The following SLC25A28 variants were observed in gnomAD, a reference collection of about 807,000 sequenced individuals.
SLC25A28 encodes the protein mitoferrin-2.
In SLC25A28, 10 loss-of-function variants were observed where a neutral mutation model predicts 31.9. The observed-to-expected ratio is 0.31, with a 90% CI of 0.19 to 0.53. The LOEUF is 0.53. Ranked by LOEUF, SLC25A28 falls within the 20% of genes least tolerant of loss-of-function variation. SLC25A28 has a pLI of 0.95. For synonymous variants in SLC25A28, 208 were observed against 203.6 expected (o/e 1.02, Z -0.19); for missense variants, 256 against 490.3 (o/e 0.52, Z 4.51).
At chr10:99,621,610 T>G (rs1350075177), upstream of SLC25A28, 2 of 152,314 alleles carry the variant, frequency 1.3e-5, no homozygotes, top group Non-Finnish European at 2.9e-5. Flanking sequence ...ATTCCCGGCC[T>G]TAGGACCTCC....
the SLC25A28 span, among the ~76,000 whole-genome samples, chr10:99,632,592 G>C: frequency 1.3e-5 from 2 of 151,684 alleles, no homozygotes; most frequent in Non-Finnish European, 2.9e-5. Context: ...CTTTATATCT[G>C]TCCATCCACC....
chr10:99,649,244 G>A, the SLC25A28 span, among the ~76,000 whole-genome samples: 2 of 152,168 alleles, frequency 1.3e-5, no homozygotes, highest in Admixed American at 6.5e-5. Context: ...TTTATGTGAT[G>A]TATCACATTT....
At position 99,620,166 on chromosome 10, in the gene SLC25A28, G is replaced by A. The variant is rs1357647482; in HGVS notation, c.170C>T (p.Pro57Leu). The change falls in exon 1 of 4, where the codon CCG becomes CTG. Residue 57 changes from proline (P) to leucine (L), a missense_variant. By Grantham distance (98) the Pro-to-Leu change is moderately conservative. Transcript: ENST00000370495. The part of the protein sequence containing the change: ...GACRPPVRQD[P>L]DSGPDYEALP... The stretch of plus-strand genomic sequence containing the variant: ...CGCCTCGTAGTCCGGGCCGGAGTCC[G>A]GATCTTGTCGTACCGGGGGCCTGCA... 8 of 1,551,064 alleles carry A rather than the reference G, an allele frequency of 5.2e-6. No individual in the cohort carries two copies. Among genetic ancestry groups the A allele is most frequent in the African/African-American group, 1.4e-5 (1 of 71,500 alleles).
At chr10:99,648,615 A>G in the SLC25A28 span, among the ~76,000 whole-genome samples, 2 of 143,910 alleles carry the variant, frequency 1.4e-5, no homozygotes, top group Non-Finnish European at 3.0e-5. Context: ...ATAATCTACT[A>G]TTTCTTTCAT....
chr10:99,639,550 T>C, the SLC25A28 span, among the ~76,000 whole-genome samples: 1 of 151,078 alleles, frequency 6.6e-6, no homozygotes, highest in Non-Finnish European at 1.5e-5. Flanking sequence ...AAACTCAACC[T>C]AAAAAAAAAT....
chr10:99,611,299 C>T lies in SLC25A28; in HGVS notation c.645G>A (p.Val215=). Residue 215 remains valine, a synonymous_variant, in exon 4 of 4, where the codon GTG becomes GTA. Transcript: ENST00000370495. The surrounding 1 kb of genome is among the most constrained non-coding windows in gnomAD (Gnocchi z 5.5). ...YHRVTDCVRA[V]WQNEGAGAFY... Reference sequence around the variant, plus strand: ...AGGCCCCGGCCCCTTCATTTTGCCACACTGCCCGTACACAGTCTGTCACCC... The same window carrying T: ...AGGCCCCGGCCCCTTCATTTTGCCATACTGCCCGTACACAGTCTGTCACCC... 1 of 1,614,140 alleles carries T rather than the reference C, an allele frequency of 6.2e-7. No homozygotes were observed. Among genetic ancestry groups the T allele is most frequent in the Non-Finnish European group, 8.5e-7 (1 of 1,180,016 alleles).
the SLC25A28 span, among the ~76,000 whole-genome samples, chr10:99,642,380 G>A: frequency 6.6e-6 from 1 of 152,060 alleles, no homozygotes; most frequent in Non-Finnish European, 1.5e-5. Flanking sequence ...TCTGTTATTG[G>A]TGTATAAGAA....
At chr10:99,625,032 G>C (rs1314727787), upstream of SLC25A28, among the ~76,000 whole-genome samples, 1 of 151,980 alleles carries the variant, frequency 6.6e-6, no homozygotes, top group Non-Finnish European at 1.5e-5. Context: ...GAGTGTTACA[G>C]TTCTTAAAGA....
the SLC25A28 span, among the ~76,000 whole-genome samples, chr10:99,649,691 G>T: frequency 0.41 from 61,802 of 151,950 alleles, 12,816 homozygotes; most frequent in East Asian, 0.6. Flanking sequence ...GATCTCAGAA[G>T]ATTGTATGTT....
At chr10:99,650,786 G>A in the SLC25A28 span, among the ~76,000 whole-genome samples, 2 of 152,108 alleles carry the variant, frequency 1.3e-5, no homozygotes, top group South Asian at 4.2e-4. Flanking sequence ...TCCCAGGGGT[G>A]TGTGAGAGCA....
In SLC25A28 at chr10:99,613,490, C is replaced by T; in HGVS notation, c.520+206G>A. On this transcript the variant is annotated intron_variant, in intron 2 of 3. Transcript: ENST00000370495. The surrounding 1 kb of genome is among the most constrained non-coding windows in gnomAD (Gnocchi z 4.9). ...GGTAGGTAAGGGAGGATACTGTAAC[C>T]CTTTGTTGAGGTGCCCCAAAGGAAA... 1.4e-6 allele frequency: 2 copies of T among 1,435,892 alleles called. No homozygotes were observed. The highest frequency in any genetic ancestry group is 1.8e-6 in the Non-Finnish European group (2 of 1,100,056). 88.9% of individuals were successfully genotyped at this position (1,435,892 alleles called of 1,614,324 possible). A position where few individuals can be genotyped will look rare whatever the true frequency, so the allele number is the denominator to read the frequency against.
the SLC25A28 span, among the ~76,000 whole-genome samples, chr10:99,657,643 A>T: frequency 6.6e-6 from 1 of 152,186 alleles, no homozygotes; most frequent in African/African-American, 2.4e-5. Flanking sequence ...CTTATATGAC[A>T]ATTAGAACTC....
chr10:99,655,723 A>G, the SLC25A28 span, among the ~76,000 whole-genome samples: 4 of 152,128 alleles, frequency 2.6e-5, no homozygotes, highest in African/African-American at 9.7e-5. Context: ...CTTTCATATT[A>G]TTAGCTAAAA....
chr10:99,651,625 C>CT, the SLC25A28 span, among the ~76,000 whole-genome samples: 1 of 112,956 alleles, frequency 8.9e-6, no homozygotes, highest in Non-Finnish European at 1.8e-5. Context: ...GGGTCTCACT[C>CT]TGTCACCCAG....
the SLC25A28 span, among the ~76,000 whole-genome samples, chr10:99,630,108 T>C: frequency 2.0e-4 from 31 of 152,240 alleles, no homozygotes; most frequent in Admixed American, 1.3e-4. Context: ...TCTCAAATCA[T>C]CCAGGGGAGC....
the SLC25A28 span, among the ~76,000 whole-genome samples, chr10:99,639,550 TA>T: frequency 1.7e-4 from 25 of 151,070 alleles, no homozygotes; most frequent in Non-Finnish European, 1.0e-4. Flanking sequence ...AAACTCAACC[TA>T]AAAAAAAATT....
At chr10:99,615,650 T>A in intron 1 of SLC25A28, 1 of 985,442 alleles carries the variant, frequency 1.0e-6, no homozygotes, top group South Asian at 4.7e-5. Context: ...GTATTTCCAA[T>A]AAAGGGTTTG....
chr10:99,625,769 A>G, the SLC25A28 span, among the ~76,000 whole-genome samples: 1 of 152,190 alleles, frequency 6.6e-6, no homozygotes, highest in African/African-American at 2.4e-5. Context: ...AAAGAAAAGG[A>G]TATGTTCTCC....
At chr10:99,624,421 C>T (rs761784840), upstream of SLC25A28, among the ~76,000 whole-genome samples, 1 of 152,078 alleles carries the variant, frequency 6.6e-6, no homozygotes, top group Non-Finnish European at 1.5e-5. Flanking sequence ...GACAAGCTCT[C>T]AAGTGATGCT....
Sources: gnomAD v4.1 joint callset for allele counts (sites outside exome capture counted in the v4.1 genomes callset) on GRCh38, gnomAD v4.1.1 for gene constraint, Gnocchi (gnomAD v3.1) non-coding constraint, MANE v1.5 for transcripts, NCBI Gene and HGNC (gene_info 2026-07-23, HGNC 2026-07-21) for gene names.